The following LRRC4C variants were observed in gnomAD, a reference collection of about 807,000 sequenced individuals.
LRRC4C encodes the protein leucine-rich repeat-containing protein 4C.
In LRRC4C, 5 loss-of-function variants were observed where a neutral mutation model predicts 33.6. That is an observed-to-expected ratio of 0.15 (90% CI 0.08 to 0.31). LRRC4C has a LOEUF of 0.31. Ranked by LOEUF, LRRC4C falls within the 10% of genes least tolerant of loss-of-function variation. LRRC4C has a pLI of 1.00. For missense variants in LRRC4C, 560 were observed against 796.7 expected, an observed-to-expected ratio of 0.70 and a Z score of 3.58; for synonymous variants, 329 against 302.0, an observed-to-expected ratio of 1.09 and a Z score of -0.93.
At chr11:40,406,538 C>A (rs1949970990) in intron 3 of LRRC4C, among the ~76,000 whole-genome samples, 1 of 151,916 alleles carries the variant, frequency 6.6e-6, no homozygotes, top group African/African-American at 2.4e-5. Flanking sequence ...TAAATTAATG[C>A]AACAACATAG....
chr11:40,364,012 A>C (rs1192188636), intron 3 of LRRC4C, among the ~76,000 whole-genome samples: 1 of 152,202 alleles, frequency 6.6e-6, no homozygotes, highest in Non-Finnish European at 1.5e-5. Flanking sequence ...TTACAAGACT[A>C]ATGGATATTC....
At chr11:40,952,898 T>A (rs7479163) in intron 1 of LRRC4C, among the ~76,000 whole-genome samples, 12,667 of 48,748 alleles carry the variant, frequency 0.26, 596 homozygotes, top group Non-Finnish European at 0.35. Flanking sequence ...ACACACACAC[T>A]CTCTCTCTCT....
At chr11:40,590,808 A>G (rs1308012719) in intron 3 of LRRC4C, among the ~76,000 whole-genome samples, 2 of 152,208 alleles carry the variant, frequency 1.3e-5, no homozygotes, top group Non-Finnish European at 2.9e-5. Context: ...GGGGTCAGGG[A>G]CCCACTTGAG....
intron 3 of LRRC4C, among the ~76,000 whole-genome samples, chr11:40,438,569 G>A (rs1992319): frequency 0.37 from 56,760 of 151,836 alleles, 11,288 homozygotes; most frequent in East Asian, 0.53. Context: ...GACCCTCAGT[G>A]AACATTGAAT....
At chr11:40,920,917 A>T (rs1430229572) in intron 2 of LRRC4C, among the ~76,000 whole-genome samples, 9 of 114,364 alleles carry the variant, frequency 7.9e-5, no homozygotes, top group Non-Finnish European at 1.2e-4. Context: ...CGCCCAACAT[A>T]ATCAAGGTTT....
chr11:40,405,201 G>A (rs147974747), intron 3 of LRRC4C, among the ~76,000 whole-genome samples: 139 of 150,460 alleles, frequency 9.2e-4, no homozygotes, highest in Middle Eastern at 3.4e-3. Flanking sequence ...TTCTTCCTGT[G>A]TCTGGGTTAT....
chr11:41,316,413 A>G (rs2137231918), intron 1 of LRRC4C, among the ~76,000 whole-genome samples: 1 of 152,248 alleles, frequency 6.6e-6, no homozygotes, highest in African/African-American at 2.4e-5. Flanking sequence ...TTTTTCCACT[A>G]CAATCCTCAT....
intron 3 of LRRC4C, among the ~76,000 whole-genome samples, chr11:40,456,109 C>A (rs1952119536): frequency 6.6e-6 from 1 of 152,072 alleles, no homozygotes; most frequent in Non-Finnish European, 1.5e-5. Flanking sequence ...TACAAAATGG[C>A]AGAAGAAACC....
chr11:40,795,486 T>C (rs572614663), intron 2 of LRRC4C, among the ~76,000 whole-genome samples: 10 of 152,012 alleles, frequency 6.6e-5, no homozygotes, highest in Non-Finnish European at 1.5e-4. Flanking sequence ...GCCGAGATCA[T>C]GCCACTGCAC....
intron 1 of LRRC4C, among the ~76,000 whole-genome samples, chr11:41,149,450 C>T (rs1943888376): frequency 7.1e-6 from 1 of 140,860 alleles, no homozygotes; most frequent in African/African-American, 2.7e-5. Context: ...GCGGAGCTTG[C>T]AGTGAGCCGA....
chr11:41,261,102 T>G (rs980285881), intron 1 of LRRC4C, among the ~76,000 whole-genome samples: 1 of 152,076 alleles, frequency 6.6e-6, no homozygotes, highest in Non-Finnish European at 1.5e-5. Flanking sequence ...TGTAATAGTA[T>G]TAAGACATAG....
At chr11:40,911,525 C>T (rs1167102745) in intron 2 of LRRC4C, among the ~76,000 whole-genome samples, 5 of 152,210 alleles carry the variant, frequency 3.3e-5, no homozygotes, top group East Asian at 1.9e-4. Context: ...GAAAGGACAT[C>T]CACACCAAAA....
chr11:40,276,812 G>A (rs1419214392), intron 4 of LRRC4C, among the ~76,000 whole-genome samples: 1 of 151,750 alleles, frequency 6.6e-6, no homozygotes, highest in African/African-American at 2.4e-5. Flanking sequence ...CAGTGTCTGT[G>A]TCATAAGCAA....
intron 3 of LRRC4C, among the ~76,000 whole-genome samples, chr11:40,589,220 A>G (rs1958915159): frequency 6.6e-6 from 1 of 151,870 alleles, no homozygotes; most frequent in African/African-American, 2.4e-5. Flanking sequence ...TGATCCCTTT[A>G]CCATTATGTA....
At chr11:40,674,034 C>A (rs898002429) in intron 2 of LRRC4C, among the ~76,000 whole-genome samples, 1 of 152,160 alleles carries the variant, frequency 6.6e-6, no homozygotes, top group African/African-American at 2.4e-5. Context: ...AGGCATTACC[C>A]CAGCATATCT....
chr11:41,297,596 G>A (rs1226914786), intron 1 of LRRC4C, among the ~76,000 whole-genome samples: 1 of 152,088 alleles, frequency 6.6e-6, no homozygotes, highest in African/African-American at 2.4e-5. Flanking sequence ...TGATATCCCT[G>A]CCCTTGCTGA....
At chr11:41,339,551 A>G (rs766150449) in intron 1 of LRRC4C, among the ~76,000 whole-genome samples, 11 of 152,148 alleles carry the variant, frequency 7.2e-5, no homozygotes, top group Non-Finnish European at 1.3e-4. Context: ...CTCCTGTCTA[A>G]TAGGAGTCAT....
chr11:41,115,573 T>A (rs954782196), intron 1 of LRRC4C, among the ~76,000 whole-genome samples: 2 of 152,108 alleles, frequency 1.3e-5, no homozygotes, highest in Non-Finnish European at 2.9e-5. Flanking sequence ...TGTGTTCATT[T>A]GCGATGGGAA....
At chr11:41,333,422 T>C (rs1951355633) in intron 1 of LRRC4C, among the ~76,000 whole-genome samples, 1 of 152,186 alleles carries the variant, frequency 6.6e-6, no homozygotes, top group Non-Finnish European at 1.5e-5. Flanking sequence ...GCTTTACATA[T>C]TTGCGTATTT....
Sources: allele counts gnomAD v4.1 joint callset (sites outside exome capture counted in the v4.1 genomes callset), GRCh38; gene constraint gnomAD v4.1.1; transcripts MANE v1.5; gene names NCBI Gene and HGNC (gene_info 2026-07-23, HGNC 2026-07-21).